WARS2: variants seen among roughly 807,000 people sequenced by gnomAD.
WARS2 encodes the protein tryptophanyl tRNA synthetase 2, mitochondrial, also known as tryptophan--tRNA ligase, mitochondrial.
A neutral mutation model predicts 36.5 loss-of-function variants in WARS2; 28 were observed. That is an observed-to-expected ratio of 0.77 (90% CI 0.57 to 1.05). WARS2 has a LOEUF of 1.05. Ranked by LOEUF, WARS2 falls within the 50% of genes least tolerant of loss-of-function variation. WARS2 has a pLI of 0.00. For missense variants in WARS2, 435 were observed against 456.8 expected (o/e 0.95, Z 0.44); for synonymous variants, 174 against 178.4 (o/e 0.98, Z 0.20).
chr1:119,078,436 G>A (rs1221961601), intron 1 of WARS2, among the ~76,000 whole-genome samples: 1 of 152,038 alleles, frequency 6.6e-6, no homozygotes, highest in Non-Finnish European at 1.5e-5. Context: ...CTATTCCTAA[G>A]TATGTAACAT....
intron 1 of WARS2, chr1:119,085,786 A>G: frequency 6.2e-7 from 1 of 1,605,188 alleles, no homozygotes; most frequent in Non-Finnish European, 8.5e-7. Context: ...CCATACTGTG[A>G]GAACACACAG....
At chr1:119,038,295 T>C (rs1571255480) in intron 4 of WARS2, among the ~76,000 whole-genome samples, 1 of 152,192 alleles carries the variant, frequency 6.6e-6, no homozygotes, top group Non-Finnish European at 1.5e-5. Flanking sequence ...AGTAGCTTCC[T>C]GCATCTCGGA....
At chr1:119,116,043 A>G (rs1654945814) in intron 1 of WARS2, among the ~76,000 whole-genome samples, 1 of 152,228 alleles carries the variant, frequency 6.6e-6, no homozygotes, top group Non-Finnish European at 1.5e-5. Context: ...GTAAGCATAC[A>G]CTAGACCTTC....
At chr1:119,061,548 CATAGTCTCA>C (rs1158141683) in intron 2 of WARS2, among the ~76,000 whole-genome samples, 21 of 152,156 alleles carry the variant, frequency 1.4e-4, no homozygotes, top group Admixed American at 1.3e-3. Flanking sequence ...AATAAAGGAA[CATAGTCTCA>C]TGAAACTACA....
intron 1 of WARS2, among the ~76,000 whole-genome samples, chr1:119,119,446 T>C (rs990760423): frequency 6.6e-6 from 1 of 151,716 alleles, no homozygotes; most frequent in Non-Finnish European, 1.5e-5. Context: ...AGAAATGAGA[T>C]AGACACAATA....
chr1:119,051,663 A>G (rs1269075460), intron 2 of WARS2, among the ~76,000 whole-genome samples: 1 of 152,062 alleles, frequency 6.6e-6, no homozygotes, highest in East Asian at 1.9e-4. Context: ...TCAACAGTGT[A>G]TAAGTGTTCC....
intron 1 of WARS2, among the ~76,000 whole-genome samples, chr1:119,119,413 T>C (rs1384817880): frequency 6.6e-6 from 1 of 152,054 alleles, no homozygotes; most frequent in Non-Finnish European, 1.5e-5. Context: ...CCCAAATTTA[T>C]AGAACAATTA....
chr1:119,033,462 T>C, intron 5 of WARS2, 103 bp from the exon 6 acceptor site: 1 of 1,462,966 alleles, frequency 6.8e-7, no homozygotes, highest in Non-Finnish European at 9.3e-7. Flanking sequence ...TGGTTTGAAT[T>C]ATGATTTTTC....
intron 2 of WARS2, among the ~76,000 whole-genome samples, chr1:119,070,740 CATAA>C (rs554646188): frequency 4.6e-5 from 7 of 151,470 alleles, no homozygotes; most frequent in Non-Finnish European, 1.0e-4. Flanking sequence ...GAGACCCTGT[CATAA>C]ATAAATAAAT....
At chr1:119,090,971 T>C (rs1179863253) in intron 1 of WARS2, among the ~76,000 whole-genome samples, 4 of 152,200 alleles carry the variant, frequency 2.6e-5, no homozygotes, top group Non-Finnish European at 5.9e-5. Context: ...AAGAGTCTCA[T>C]ACTAACAGGA....
At chr1:119,092,434 A>G (rs1213485289) in intron 1 of WARS2, among the ~76,000 whole-genome samples, 1 of 152,220 alleles carries the variant, frequency 6.6e-6, no homozygotes, top group African/African-American at 2.4e-5. Context: ...TTATTTTAGT[A>G]CTTACTATCA....
At chr1:119,070,087 T>A (rs1269555039) in intron 2 of WARS2, among the ~76,000 whole-genome samples, 1 of 152,226 alleles carries the variant, frequency 6.6e-6, no homozygotes, top group Non-Finnish European at 1.5e-5. Context: ...GCTGAGTATT[T>A]ACTAAGTACC....
chr1:119,069,196 C>T (rs1435760137), intron 2 of WARS2, among the ~76,000 whole-genome samples: 4 of 152,034 alleles, frequency 2.6e-5, no homozygotes, highest in East Asian at 1.9e-4. Context: ...CTTAACACAA[C>T]GAATATAGCT....
intron 4 of WARS2, among the ~76,000 whole-genome samples, chr1:119,038,029 A>C (rs1648023805): frequency 6.6e-6 from 1 of 152,170 alleles, no homozygotes; most frequent in Non-Finnish European, 1.5e-5. Flanking sequence ...TAAAATGTAC[A>C]AATAGCTTCC....
chr1:119,052,576 TTCTTAG>T (rs1375375718), intron 2 of WARS2, among the ~76,000 whole-genome samples: 18 of 152,238 alleles, frequency 1.2e-4, no homozygotes, highest in African/African-American at 3.1e-4. Flanking sequence ...TCTATACTTT[TTCTTAG>T]TCTAATACTT....
intron 1 of WARS2, among the ~76,000 whole-genome samples, chr1:119,113,485 C>T (rs587759177): frequency 6.6e-6 from 1 of 152,150 alleles, no homozygotes; most frequent in South Asian, 2.1e-4. Context: ...ATAGCAGATT[C>T]CTTAAGACTA....
intron 1 of WARS2, chr1:119,126,712 A>AG (rs775914657): frequency 4.7e-5 from 34 of 730,764 alleles, no homozygotes; most frequent in Non-Finnish European, 8.1e-5. Flanking sequence ...AAGACATCAC[A>AG]GAGAGGATAA....
chr1:119,072,352 A>T lies in WARS2; in HGVS notation c.348+3998T>A, dbSNP rs114890227. Among the ~76,000 whole-genome samples the T allele has an allele frequency of 3.3e-3, 504 of 152,322 alleles. 3 individuals are homozygous for T. Among genetic ancestry groups the T allele is most frequent in the Middle Eastern group, 0.017 (5 of 294 alleles). On this transcript the variant is annotated intron_variant, in intron 2 of 5. Coordinates refer to ENST00000235521, the MANE Select transcript of WARS2 (RefSeq NM_015836.4). Reference sequence around the variant, plus strand: ...AAATGGTGATGAGCAACTATGTGGGACAGCAGTTTATAGTCACTAACCATC... The same window carrying T: ...AAATGGTGATGAGCAACTATGTGGGTCAGCAGTTTATAGTCACTAACCATC...
intron 2 of WARS2, among the ~76,000 whole-genome samples, 164 bp from the exon 3 acceptor site, chr1:119,045,826 CTT>C (rs1226522534): frequency 6.6e-6 from 1 of 152,060 alleles, no homozygotes; most frequent in African/African-American, 2.4e-5. Context: ...AGCATAGACT[CTT>C]AGGTGAAGAA....
Sources: allele counts gnomAD v4.1 joint callset (sites outside exome capture counted in the v4.1 genomes callset), GRCh38; gene constraint gnomAD v4.1.1; transcripts MANE v1.5; gene names NCBI Gene and HGNC (gene_info 2026-07-23, HGNC 2026-07-21).